CCDC3: variants seen among roughly 807,000 people sequenced by gnomAD.
CCDC3 encodes coiled-coil domain containing 3.
A neutral mutation model predicts 21.4 loss-of-function variants in CCDC3; 24 were observed. The observed-to-expected ratio is 1.12, with a 90% CI of 0.81 to 1.58. The LOEUF is 1.58. Among genes scored for constraint, CCDC3 ranks in the 40% most tolerant of loss-of-function variants. The pLI is 0.00. For missense variants in CCDC3, 425 were observed against 360.9 expected (o/e 1.18, Z -1.44); for synonymous variants, 186 against 166.0 (o/e 1.12, Z -0.93).
chr10:12,982,878 C>T (rs562485658), intron 2 of CCDC3, among the ~76,000 whole-genome samples: 8 of 148,678 alleles, frequency 5.4e-5, no homozygotes, highest in East Asian at 2.0e-4. Flanking sequence ...TTTGGGTGGC[C>T]GAGGTGGGCA....
At chr10:13,025,232 G>A (rs1489222837) in intron 5 of CCDC3, among the ~76,000 whole-genome samples, 7 of 152,146 alleles carry the variant, frequency 4.6e-5, no homozygotes, top group Non-Finnish European at 7.3e-5. Context: ...TGGAATTGGC[G>A]AAGGGGCTTC....
exon 4 of CCDC3, chr10:13,073,908 TCCTCTCTCAGTAC>T (rs1260815488): frequency 1.3e-5 from 2 of 152,074 alleles, no homozygotes; most frequent in Non-Finnish European, 2.9e-5. Context: ...GTAGGAAGTA[TCCTCTCTCAGTAC>T]CTAAAGCTTT....
upstream of CCDC3, among the ~76,000 whole-genome samples, chr10:13,002,768 G>T (rs1564316616): frequency 6.6e-6 from 1 of 152,170 alleles, no homozygotes; most frequent in Non-Finnish European, 1.5e-5. Flanking sequence ...TTAAATAACA[G>T]ACCTTACTTT....
At chr10:13,082,080 C>T (rs1837045807) in intron 3 of CCDC3, among the ~76,000 whole-genome samples, 1 of 152,146 alleles carries the variant, frequency 6.6e-6, no homozygotes, top group Admixed American at 6.5e-5. Context: ...TGTGCAGAGA[C>T]AAGAGATCAT....
At chr10:13,083,000 C>G (rs905229832) in intron 3 of CCDC3, among the ~76,000 whole-genome samples, 2 of 152,130 alleles carry the variant, frequency 1.3e-5, no homozygotes, top group Admixed American at 1.3e-4. Context: ...CTTGCCTCAG[C>G]ACCTGGATGG....
chr10:13,093,353 G>A (rs1402728863), intron 3 of CCDC3, among the ~76,000 whole-genome samples: 3 of 151,988 alleles, frequency 2.0e-5, no homozygotes, highest in Admixed American at 2.0e-4. Context: ...AGAACAGTAT[G>A]GAGGAAAACA....
At chr10:13,022,332 C>T (rs1836157225) in intron 5 of CCDC3, among the ~76,000 whole-genome samples, 1 of 152,102 alleles carries the variant, frequency 6.6e-6, no homozygotes, top group African/African-American at 2.4e-5. Context: ...TTTTCTCTGT[C>T]TTGCTCCCTC....
chr10:12,938,851 T>TAGACATTTGTATC (rs1394340307), intron 2 of CCDC3, among the ~76,000 whole-genome samples: 1 of 152,240 alleles, frequency 6.6e-6, no homozygotes, highest in Non-Finnish European at 1.5e-5. Context: ...GCCTGCTTAA[T>TAGACATTTGTATC]AGACATTTGT....
intron 2 of CCDC3, among the ~76,000 whole-genome samples, chr10:12,960,660 C>T (rs1250631906): frequency 6.6e-6 from 1 of 152,116 alleles, no homozygotes; most frequent in Non-Finnish European, 1.5e-5. Flanking sequence ...AGGGTGCAGT[C>T]GGGAGAGGCG....
chr10:13,015,594 A>T (rs1293314357), intron 5 of CCDC3, among the ~76,000 whole-genome samples: 1 of 152,122 alleles, frequency 6.6e-6, no homozygotes, highest in Non-Finnish European at 1.5e-5. Flanking sequence ...GGGGGTACAT[A>T]GCTGGCAAAG....
chr10:12,996,036 A>G (rs1835757031), intron 2 of CCDC3, among the ~76,000 whole-genome samples: 1 of 152,210 alleles, frequency 6.6e-6, no homozygotes, highest in East Asian at 1.9e-4. Context: ...ATATAGTCAT[A>G]TAAACAAAGC....
At chr10:12,982,359 G>A (rs1835511277) in intron 2 of CCDC3, among the ~76,000 whole-genome samples, 1 of 151,842 alleles carries the variant, frequency 6.6e-6, no homozygotes, top group African/African-American at 2.4e-5. Context: ...ACTTAGCTGG[G>A]GAAAGGGCAA....
chr10:13,057,346 T>C (rs1465954359), intron 4 of CCDC3, among the ~76,000 whole-genome samples: 1 of 152,034 alleles, frequency 6.6e-6, no homozygotes, highest in African/African-American at 2.4e-5. Context: ...CTTTTCATGA[T>C]TCCTTCCAGC....
chr10:12,910,957 G>A (rs1025320363), intron 2 of CCDC3, among the ~76,000 whole-genome samples: 2 of 152,148 alleles, frequency 1.3e-5, no homozygotes, highest in Non-Finnish European at 2.9e-5. Flanking sequence ...GCATAGTTGC[G>A]GCCAGCCCCT....
At chr10:12,957,553 A>G (rs1316206414) in intron 2 of CCDC3, among the ~76,000 whole-genome samples, 1 of 152,204 alleles carries the variant, frequency 6.6e-6, no homozygotes, top group African/African-American at 2.4e-5. Context: ...GTGAGAGCGG[A>G]TGGGAGGTGA....
intron 2 of CCDC3, among the ~76,000 whole-genome samples, chr10:12,929,113 T>G (rs1834596993): frequency 6.6e-6 from 1 of 151,866 alleles, no homozygotes; most frequent in African/African-American, 2.4e-5. Context: ...AATACAAAAA[T>G]TAGCTGGGCG....
intron 5 of CCDC3, among the ~76,000 whole-genome samples, chr10:13,039,846 CTG>C (rs1836426961): frequency 1.3e-5 from 2 of 151,288 alleles, no homozygotes; most frequent in Admixed American, 6.6e-5. Context: ...GTTACAATAA[CTG>C]TGACAGACGT....
At chr10:13,073,237 A>T (rs1266129055) in intron 4 of CCDC3, among the ~76,000 whole-genome samples, 1 of 152,126 alleles carries the variant, frequency 6.6e-6, no homozygotes, top group Non-Finnish European at 1.5e-5. Flanking sequence ...TACCGGGGCA[A>T]ACTATGGTAG....
intron 5 of CCDC3, among the ~76,000 whole-genome samples, chr10:13,022,647 G>C (rs965713724): frequency 2.0e-5 from 3 of 152,152 alleles, no homozygotes; most frequent in Non-Finnish European, 4.4e-5. Context: ...CTCAATCTGA[G>C]CATCCATTAT....
Sources: gnomAD v4.1 joint callset for allele counts (sites outside exome capture counted in the v4.1 genomes callset) on GRCh38, gnomAD v4.1.1 for gene constraint, MANE v1.5 for transcripts, NCBI Gene and HGNC (gene_info 2026-07-23, HGNC 2026-07-21) for gene names.